EPB41L4B: variants seen among roughly 807,000 people sequenced by gnomAD.
The protein encoded by EPB41L4B is band 4.1-like protein 4B.
A neutral mutation model predicts 112.5 loss-of-function variants in EPB41L4B; 30 were observed. That is an observed-to-expected ratio of 0.27 (90% CI 0.20 to 0.36). The LOEUF (loss-of-function observed/expected upper bound fraction) is 0.36, where lower values mean the gene tolerates loss of function less well. Ranked by LOEUF, EPB41L4B falls within the 10% of genes least tolerant of loss-of-function variation. The pLI is 1.00. For synonymous variants in EPB41L4B, 408 were observed against 439.7 expected (o/e 0.93, Z 0.90); for missense variants, 1,024 against 1,133.3 (o/e 0.90, Z 1.38).
intron 7 of EPB41L4B, among the ~76,000 whole-genome samples, chr9:109,256,688 A>T (rs1371855810): frequency 4.6e-5 from 7 of 152,250 alleles, no homozygotes; most frequent in African/African-American, 1.7e-4. Context: ...CACGCCTGTT[A>T]TCCCAGCACT....
chr9:109,216,835 A>G (rs1179991876), intron 16 of EPB41L4B, 87 bp downstream of exon 16: 1 of 1,334,368 alleles, frequency 7.5e-7, no homozygotes, highest in African/African-American at 1.4e-5. Flanking sequence ...CTGCACCGCA[A>G]GGGTCTGTCT....
intron 1 of EPB41L4B, among the ~76,000 whole-genome samples, chr9:109,308,397 G>A (rs915339907): frequency 6.6e-6 from 1 of 152,036 alleles, no homozygotes; most frequent in Admixed American, 6.5e-5. Context: ...AACAAAACTC[G>A]GAAAGTAACA....
intron 6 of EPB41L4B, among the ~76,000 whole-genome samples, chr9:109,259,024 C>T (rs1267069578): frequency 6.6e-6 from 1 of 152,106 alleles, no homozygotes; most frequent in Non-Finnish European, 1.5e-5. Flanking sequence ...AGAAAATCCA[C>T]TCTCCCCCAC....
At chr9:109,269,980 G>A (rs185518527) in intron 2 of EPB41L4B, among the ~76,000 whole-genome samples, 26 of 152,352 alleles carry the variant, frequency 1.7e-4, no homozygotes, top group Admixed American at 7.8e-4. Context: ...ATGGGAGAAC[G>A]TGGGTTGTGG....
At chr9:109,277,312 A>G (rs187069396) in intron 2 of EPB41L4B, among the ~76,000 whole-genome samples, 372 of 87,554 alleles carry the variant, frequency 4.2e-3, no homozygotes, top group Non-Finnish European at 6.8e-3. Flanking sequence ...AGAAGTAGAC[A>G]TGCAAAAAAA....
intron 21 of EPB41L4B, among the ~76,000 whole-genome samples, chr9:109,193,573 T>C (rs1371731513): frequency 2.6e-5 from 4 of 152,232 alleles, no homozygotes; most frequent in Non-Finnish European, 5.9e-5. Context: ...CACGCACCTT[T>C]TCTCTGTGTA....
At position 109,247,757 on chromosome 9, in the gene EPB41L4B, T is replaced by C; in HGVS notation, c.1343A>G (p.Gln448Arg). ...AAACCTTTAAAAGCAGTATCTTACC[T>C]GGTAATTATGGACTTCTGGATTTGT... ...SKTNPEVHNY[Q>R]PQYHPNIHPS... The change falls in exon 14 of 26, where the codon CAG becomes CGG. Residue 448 changes from glutamine to arginine, a missense_variant and splice_region_variant. Coordinates refer to ENST00000374566, the MANE Select transcript of EPB41L4B (RefSeq NM_019114.5). The C allele has an allele frequency of 6.7e-7, 1 of 1,489,650 alleles. No homozygotes were observed. The highest frequency in any genetic ancestry group is 8.9e-7 in the Non-Finnish European group (1 of 1,119,486). The allele number at this position is 1,489,650 out of a possible 1,614,324, so 92.3% of individuals were successfully genotyped here.
chr9:109,242,029 G>A (rs1189515561), intron 15 of EPB41L4B, among the ~76,000 whole-genome samples: 1 of 152,126 alleles, frequency 6.6e-6, no homozygotes, highest in Non-Finnish European at 1.5e-5. Flanking sequence ...GTCTGTCTAT[G>A]GTCAAGTCAT....
Position 109,279,879 on chromosome 9 carries a change from G to A in EPB41L4B, c.349C>T (p.His117Tyr). The change falls in exon 2 of 26, where the codon CAC becomes TAC. Residue 117 changes from histidine to tyrosine, a missense_variant. Physicochemically the swap from His to Tyr is moderately conservative, Grantham distance 83. Transcript: ENST00000374566. ...GQDLFDQIVY[H>Y]LDLVETDYFG... Reference sequence around the variant, plus strand: ...TAATCTGTTTCCACAAGGTCCAAGTGGTACACAATCTGATCAAACAAATCC... The same window carrying A: ...TAATCTGTTTCCACAAGGTCCAAGTAGTACACAATCTGATCAAACAAATCC... The A allele has an allele frequency of 1.9e-6, 3 of 1,614,054 alleles. No homozygotes were observed. Among genetic ancestry groups the A allele is most frequent in the Non-Finnish European group, 2.5e-6 (3 of 1,180,020 alleles).
At chr9:109,305,853 G>A (rs1253603263) in intron 1 of EPB41L4B, among the ~76,000 whole-genome samples, 1 of 152,152 alleles carries the variant, frequency 6.6e-6, no homozygotes, top group Non-Finnish European at 1.5e-5. Flanking sequence ...GAATGCGGGA[G>A]GTAGAGCTTG....
At chr9:109,270,877 C>A (rs1835584606) in intron 2 of EPB41L4B, among the ~76,000 whole-genome samples, 1 of 152,182 alleles carries the variant, frequency 6.6e-6, no homozygotes, top group Non-Finnish European at 1.5e-5. Flanking sequence ...TCGAAAAAGT[C>A]AAAATTCAGG....
At chr9:109,317,494 G>A (rs1462513619) in intron 1 of EPB41L4B, among the ~76,000 whole-genome samples, 1 of 152,220 alleles carries the variant, frequency 6.6e-6, no homozygotes, top group Non-Finnish European at 1.5e-5. Flanking sequence ...AATAACTGTG[G>A]TCTGGACTGG....
At chr9:109,214,224 A>T (rs1372304866) in intron 16 of EPB41L4B, among the ~76,000 whole-genome samples, 1 of 152,264 alleles carries the variant, frequency 6.6e-6, no homozygotes, top group Non-Finnish European at 1.5e-5. Context: ...ACGTGCCCTT[A>T]AAAGCCATGT....
intron 1 of EPB41L4B, among the ~76,000 whole-genome samples, chr9:109,311,106 G>A (rs1274151784): frequency 1.3e-5 from 2 of 152,108 alleles, no homozygotes; most frequent in Admixed American, 6.5e-5. Flanking sequence ...AACGTCTGGA[G>A]ACCAATGGTG....
At chr9:109,182,674 A>G in intron 24 of EPB41L4B, 55 bp downstream of exon 24, 2 of 1,338,004 alleles carry the variant, frequency 1.5e-6, no homozygotes, top group South Asian at 2.4e-5. Context: ...GCAGAAAAGC[A>G]CACCGCATGG....
chr9:109,212,291 A>C (rs1456241656), intron 17 of EPB41L4B, among the ~76,000 whole-genome samples: 3 of 152,198 alleles, frequency 2.0e-5, no homozygotes, highest in African/African-American at 7.2e-5. Flanking sequence ...CTGCAGAAGA[A>C]AAGTTGAAAA....
At chr9:109,245,199 T>G (rs763819005) in intron 14 of EPB41L4B, among the ~76,000 whole-genome samples, 2 of 152,222 alleles carry the variant, frequency 1.3e-5, no homozygotes, top group Non-Finnish European at 2.9e-5. Flanking sequence ...AGTCTAACTG[T>G]TCCAGGTGTT....
At chr9:109,304,225 C>T (rs1837085391) in intron 1 of EPB41L4B, among the ~76,000 whole-genome samples, 1 of 152,198 alleles carries the variant, frequency 6.6e-6, no homozygotes. Flanking sequence ...GAAAAGAAAC[C>T]TTTACTTGGG....
At chr9:109,278,715 T>C (rs1406736876) in intron 2 of EPB41L4B, among the ~76,000 whole-genome samples, 1 of 152,176 alleles carries the variant, frequency 6.6e-6, no homozygotes, top group Non-Finnish European at 1.5e-5. Context: ...TTGACTCCTA[T>C]TACCATCTGG....
Sources: gnomAD v4.1 joint callset for allele counts (sites outside exome capture counted in the v4.1 genomes callset) on GRCh38, gnomAD v4.1.1 for gene constraint, MANE v1.5 for transcripts, NCBI Gene and HGNC (gene_info 2026-07-23, HGNC 2026-07-21) for gene names.